Variants in ERC1 observed in about 807,000 individuals in gnomAD.
ERC1 encodes RAB6 interacting protein 2.
Under a neutral mutation model 132.0 loss-of-function variants are expected in ERC1, and 56 were observed. That is an observed-to-expected ratio of 0.42 (90% CI 0.34 to 0.53). The LOEUF (loss-of-function observed/expected upper bound fraction) is 0.53. Among genes scored for constraint, ERC1 ranks in the 20% least tolerant of loss-of-function variants. ERC1 has a pLI of 0.03. For synonymous variants in ERC1, 478 were observed against 476.1 expected (o/e 1.00, Z -0.05); for missense variants, 1,202 against 1,349.9 (o/e 0.89, Z 1.72).
intron 8 of ERC1, among the ~76,000 whole-genome samples, chr12:1,172,398 T>C (rs1204249811): frequency 2.0e-5 from 3 of 152,086 alleles, no homozygotes; most frequent in Non-Finnish European, 4.4e-5. Flanking sequence ...TGCTCAGGAG[T>C]TCAAGGATGC....
intron 15 of ERC1, among the ~76,000 whole-genome samples, chr12:1,331,603 G>A (rs1202052458): frequency 2.6e-5 from 4 of 152,226 alleles, no homozygotes; most frequent in Admixed American, 6.5e-5. Context: ...TGCTTGATTC[G>A]TTATGCCCTG....
At chr12:1,000,677 C>A (rs1962063466) in intron 1 of ERC1, among the ~76,000 whole-genome samples, 1 of 152,046 alleles carries the variant, frequency 6.6e-6, no homozygotes, top group African/African-American at 2.4e-5. Context: ...GTGAGAGAAT[C>A]GCTTGAACCT....
Position 1,444,678 on chromosome 12 carries a change from A to G in ERC1, c.3141A>G (p.Pro1047=). The G allele has an allele frequency of 1.2e-6, 2 of 1,614,160 alleles. No individual in the cohort carries two copies. Among genetic ancestry groups the G allele is most frequent in the Non-Finnish European group, 1.7e-6 (2 of 1,180,012 alleles). The part of the protein sequence containing the change: ...RDPLILRGLT[P]PASYNLDDDQ... The stretch of plus-strand genomic sequence containing the variant: ...CCCTGATCCTCCGTGGACTCACTCC[A>G]CCAGCTTCCTATAACTTGGACGATG... Residue 1047 remains proline (P), a synonymous_variant, in exon 18 of 19, where the codon CCA becomes CCG. Coordinates refer to ENST00000360905, the MANE Select transcript of ERC1 (RefSeq NM_178040.4).
intron 18 of ERC1, among the ~76,000 whole-genome samples, chr12:1,483,319 T>C (rs1394559430): frequency 3.3e-5 from 5 of 152,080 alleles, no homozygotes; most frequent in Non-Finnish European, 7.4e-5. Context: ...AAGAATAGAA[T>C]CATACAAGAC....
intron 2 of ERC1, among the ~76,000 whole-genome samples, chr12:1,076,608 T>A (rs1350663249): frequency 6.6e-6 from 1 of 152,166 alleles, no homozygotes; most frequent in Non-Finnish European, 1.5e-5. Context: ...GTGGTCAGGC[T>A]GATCTTGAAC....
chr12:1,243,112 G>A (rs376915120), intron 13 of ERC1, among the ~76,000 whole-genome samples: 12 of 150,816 alleles, frequency 8.0e-5, no homozygotes, highest in East Asian at 5.8e-4. Flanking sequence ...GCGTGAACCC[G>A]GGAAGCGGAG....
At chr12:1,156,422 G>A (rs1951405855) in intron 8 of ERC1, among the ~76,000 whole-genome samples, 1 of 151,888 alleles carries the variant, frequency 6.6e-6, no homozygotes, top group African/African-American at 2.4e-5. Context: ...TGTATTATTA[G>A]TAGAGAGGAT....
rs57016547 is a variant in ERC1, at chr12:1,241,847, C to CTTTTTTT, written c.2487+4964_2487+4970dup. 3.3e-3 allele frequency among the ~76,000 whole-genome samples: 269 copies of CTTTTTTT among 80,532 alleles called. 4 individuals carry two copies. The highest frequency in any genetic ancestry group is 5.6e-3 in the East Asian group (15 of 2,670). The allele number at this position is 80,532 out of a possible 152,430, so 52.8% of individuals were successfully genotyped here. A position where few individuals can be genotyped will look rare whatever the true frequency, so the allele number is the denominator to read the frequency against. On this transcript the variant is annotated intron_variant, in intron 13 of 18. Transcript: ENST00000360905. ...CCAATTTTTTGCATTTCTTCTTCTTCTTTTTTTTTTTTTTTTTTTTTTTTT... is the reference window on the plus strand; with the variant it reads ...CCAATTTTTTGCATTTCTTCTTCTTCTTTTTTTTTTTTTTTTTTTTTTTTTTTTTTTT...
chr12:1,273,478 G>C (rs1566452308), intron 14 of ERC1, among the ~76,000 whole-genome samples: 1 of 152,062 alleles, frequency 6.6e-6, no homozygotes, highest in South Asian at 2.1e-4. Flanking sequence ...GTGCTTATTG[G>C]CTTCTGAAAC....
chr12:1,095,749 G>A (rs1943939664), intron 3 of ERC1, among the ~76,000 whole-genome samples: 1 of 152,152 alleles, frequency 6.6e-6, no homozygotes, highest in South Asian at 2.1e-4. Flanking sequence ...GATGTGCTTG[G>A]TGGGAAAGGG....
chr12:1,471,968 T>TA (rs1241250641), intron 18 of ERC1, among the ~76,000 whole-genome samples: 1 of 152,246 alleles, frequency 6.6e-6, no homozygotes, highest in East Asian at 1.9e-4. Flanking sequence ...CCTGGCCCTG[T>TA]ACCTCTTGAG....
chr12:1,038,144 T>A (rs2154157030), intron 2 of ERC1, among the ~76,000 whole-genome samples: 1 of 150,782 alleles, frequency 6.6e-6, no homozygotes, highest in East Asian at 2.0e-4. Flanking sequence ...CACTGGGAGG[T>A]CAGATTGCCT....
At chr12:1,146,139 T>G (rs1210083680) in intron 8 of ERC1, among the ~76,000 whole-genome samples, 1 of 152,078 alleles carries the variant, frequency 6.6e-6, no homozygotes, top group Non-Finnish European at 1.5e-5. Context: ...GCAATTTCAT[T>G]GAGTGTGTAG....
At chr12:1,057,405 C>T (rs1274324828) in intron 2 of ERC1, among the ~76,000 whole-genome samples, 1 of 152,126 alleles carries the variant, frequency 6.6e-6, no homozygotes, top group African/African-American at 2.4e-5. Context: ...GGCTTACAGG[C>T]ATGAGCCACT....
chr12:1,251,878 T>A (rs1353311038), intron 13 of ERC1, among the ~76,000 whole-genome samples: 2 of 152,174 alleles, frequency 1.3e-5, no homozygotes, highest in Admixed American at 1.3e-4. Flanking sequence ...ACTACTAAGT[T>A]CTCACTTTAG....
At chr12:1,092,718 T>TGG (rs1943409950) in intron 3 of ERC1, among the ~76,000 whole-genome samples, 2 of 152,228 alleles carry the variant, frequency 1.3e-5, no homozygotes, top group South Asian at 4.1e-4. Context: ...CCCAGCACTT[T>TGG]GGGAGGCCAA....
intron 1 of ERC1, among the ~76,000 whole-genome samples, chr12:1,020,156 C>G (rs1198251116): frequency 6.6e-6 from 1 of 152,116 alleles, no homozygotes; most frequent in South Asian, 2.1e-4. Context: ...TCAAAACTTA[C>G]TGGATTTAAA....
chr12:1,235,505 G>T (rs1361357805), intron 12 of ERC1, among the ~76,000 whole-genome samples: 1 of 152,172 alleles, frequency 6.6e-6, no homozygotes, highest in Non-Finnish European at 1.5e-5. Context: ...AAAAAGATAT[G>T]TTAATTTAAA....
At chr12:1,031,998 T>A (rs1226712789) in intron 2 of ERC1, among the ~76,000 whole-genome samples, 3 of 152,096 alleles carry the variant, frequency 2.0e-5, no homozygotes, top group Non-Finnish European at 4.4e-5. Context: ...GTGGTTCTGA[T>A]GAGAAACCAC....
Sources: allele counts gnomAD v4.1 joint callset (sites outside exome capture counted in the v4.1 genomes callset), GRCh38; gene constraint gnomAD v4.1.1; transcripts MANE v1.5; gene names NCBI Gene and HGNC (gene_info 2026-07-23, HGNC 2026-07-21).